DNM2: variants seen among roughly 807,000 people sequenced by gnomAD.
The protein encoded by DNM2 is dynamin-2.
Under a neutral mutation model 99.0 loss-of-function variants are expected in DNM2, and 15 were observed. That is an observed-to-expected ratio of 0.15 (90% CI 0.10 to 0.23). The LOEUF (loss-of-function observed/expected upper bound fraction) is 0.23. Among genes scored for constraint, DNM2 ranks in the 10% least tolerant of loss-of-function variants. The probability of loss-of-function intolerance (pLI) is 1.00; values close to 1 mark genes in which losing one functional copy is unlikely to be tolerated. For synonymous variants in DNM2, 525 were observed against 481.2 expected, an observed-to-expected ratio of 1.09 and a Z score of -1.19; for missense variants, 742 against 1,189.4, an observed-to-expected ratio of 0.62 and a Z score of 5.53.
At chr19:10,735,139 G>A (rs1428906033) in intron 1 of DNM2, among the ~76,000 whole-genome samples, 1 of 152,100 alleles carries the variant, frequency 6.6e-6, no homozygotes, top group South Asian at 2.1e-4. Flanking sequence ...TGCCTCCTGG[G>A]TTCACGCCAT....
At chr19:10,743,678 C>T (rs1040953654) in intron 1 of DNM2, among the ~76,000 whole-genome samples, 17 of 151,760 alleles carry the variant, frequency 1.1e-4, no homozygotes, top group African/African-American at 3.4e-4. Flanking sequence ...GGTGTGGTGG[C>T]GGGTGCTTGT....
chr19:10,786,354 T>C, intron 6 of DNM2: 1 of 790,618 alleles, frequency 1.3e-6, no homozygotes, highest in Non-Finnish European at 2.1e-6. Context: ...TTGTAGCCTC[T>C]TACACTCATG....
chr19:10,798,505 T>A lies in DNM2; in HGVS notation c.1355T>A (p.Leu452Ter). 1 of 1,614,142 alleles carries A rather than the reference T, an allele frequency of 6.2e-7. No homozygotes were observed. The highest frequency in any genetic ancestry group is 8.5e-7 in the Non-Finnish European group (1 of 1,180,016). ...CAEKLSSYPR[L>*]REETERIVTT... The stretch of plus-strand genomic sequence containing the variant: ...CCCCAGCTCAGTTCCTACCCCCGGT[T>A]GCGAGAGGAGACAGAGCGAATCGTC... Residue 452 changes from leucine to a stop codon, truncating the protein, a stop_gained, in exon 11 of 21, where the codon TTG becomes TAG. Transcript: ENST00000389253. LOFTEE classifies it high-confidence loss of function.
At chr19:10,785,958 C>T (rs980775086) in intron 6 of DNM2, among the ~76,000 whole-genome samples, 4 of 152,102 alleles carry the variant, frequency 2.6e-5, no homozygotes, top group East Asian at 1.9e-4. Context: ...ACCACCACAC[C>T]GAGATAATTT....
chr19:10,776,164 T>A (rs1339078864), intron 4 of DNM2, among the ~76,000 whole-genome samples: 1 of 152,136 alleles, frequency 6.6e-6, no homozygotes, highest in Non-Finnish European at 1.5e-5. Flanking sequence ...AGCCTAGGGC[T>A]GAAGGAAGGG....
At chr19:10,751,407 G>A (rs1030912408) in intron 1 of DNM2, among the ~76,000 whole-genome samples, 5 of 152,148 alleles carry the variant, frequency 3.3e-5, no homozygotes, top group Non-Finnish European at 2.9e-5. Flanking sequence ...TGGGATCAAC[G>A]AGGAGGAAGT....
In DNM2 at chr19:10,807,621, T is replaced by C. The variant is rs575096925; in HGVS notation, c.1546-948T>C. ...TGGAGTGCAGTGGCGCGGTCTCAGC[T>C]CACCACAACCTCCGCCTCCTAGCTT... On this transcript the variant is annotated intron_variant, in intron 13 of 20. Coordinates refer to ENST00000389253, the MANE Select transcript of DNM2 (RefSeq NM_001005361.3). Among the ~76,000 whole-genome samples the C allele has an allele frequency of 1.7e-3, 225 of 134,624 alleles. 2 individuals are homozygous for C. Among genetic ancestry groups the C allele is most frequent in the African/African-American group, 6.0e-3 (218 of 36,038 alleles). 88.3% of individuals were successfully genotyped at this position (134,624 alleles called of 152,430 possible). A position where few individuals can be genotyped will look rare whatever the true frequency, so the allele number is the denominator to read the frequency against.
At chr19:10,814,184 G>C (rs2072653308) in intron 15 of DNM2, among the ~76,000 whole-genome samples, 1 of 151,604 alleles carries the variant, frequency 6.6e-6, no homozygotes, top group Non-Finnish European at 1.5e-5. Flanking sequence ...ATAAAAACAG[G>C]CTGGGCGCAG....
chr19:10,787,886 G>A (rs1250728169), intron 7 of DNM2, among the ~76,000 whole-genome samples: 2 of 151,632 alleles, frequency 1.3e-5, no homozygotes, highest in African/African-American at 4.9e-5. Context: ...CCGAGATCGT[G>A]CCATTGCACT....
intron 15 of DNM2, among the ~76,000 whole-genome samples, chr19:10,815,305 C>T (rs941021812): frequency 1.3e-5 from 2 of 152,206 alleles, no homozygotes; most frequent in Non-Finnish European, 2.9e-5. Context: ...GCTAACAGTT[C>T]TAGCACTTTC....
At position 10,830,506 on chromosome 19, in the gene DNM2, T is replaced by C; in HGVS notation, c.2543+128T>C. 2.6e-6 allele frequency: 3 copies of C among 1,158,306 alleles called. No individual in the cohort carries two copies. The highest frequency in any genetic ancestry group is 3.6e-6 in the Non-Finnish European group (3 of 826,588). 71.8% of individuals were successfully genotyped at this position (1,158,306 alleles called of 1,614,324 possible). A position where few individuals can be genotyped will look rare whatever the true frequency, so the allele number is the denominator to read the frequency against. Reference sequence around the variant, plus strand: ...GGAGTGGAGGAATCGTCCTCATCCCTATTTGGCTTGCGAGGAAACAGGCCC... The same window carrying C: ...GGAGTGGAGGAATCGTCCTCATCCCCATTTGGCTTGCGAGGAAACAGGCCC... On this transcript the variant is annotated intron_variant, in intron 20 of 20. Transcript: ENST00000389253. This position sits in a 1 kb window ranked among gnomAD's most constrained non-coding sequence, Gnocchi z 4.8.
Position 10,829,244 on chromosome 19 carries a change from G to C in DNM2, c.2267G>C (p.Trp756Ser). 6.2e-7 allele frequency: 1 copy of C among 1,613,698 alleles called. No homozygotes were observed. Among genetic ancestry groups the C allele is most frequent in the Non-Finnish European group, 8.5e-7 (1 of 1,180,016 alleles). ...GTACCCCCGCCTGTCGATGACACCT[G>C]GCTCCAGAGCGCCAGCAGCCACAGG... ...TPVPPPVDDT[W>S]LQSASSHSPT... The change falls in exon 19 of 21, where the codon TGG becomes TCG. Residue 756 changes from tryptophan (W) to serine (S), a missense_variant. Around this residue, in one of 7 missense-constraint regions of DNM2, gnomAD observed 187 missense variants for 218.8 expected, o/e 0.85. Coordinates refer to ENST00000389253, the MANE Select transcript of DNM2 (RefSeq NM_001005361.3).
intron 1 of DNM2, among the ~76,000 whole-genome samples, chr19:10,720,088 G>A (rs1048653265): frequency 1.3e-5 from 2 of 151,512 alleles, no homozygotes; most frequent in Non-Finnish European, 2.9e-5. Flanking sequence ...CTTCTGGGAC[G>A]GGGGTGGGGG....
intron 5 of DNM2, 145 bp downstream of exon 5, chr19:10,777,361 T>C (rs928080909): frequency 1.3e-6 from 1 of 789,166 alleles, no homozygotes; most frequent in Non-Finnish European, 2.1e-6. Context: ...CTTTGAGCTA[T>C]GTATCTTTTT....
At chr19:10,728,080 A>G (rs891779247) in intron 1 of DNM2, among the ~76,000 whole-genome samples, 2 of 152,164 alleles carry the variant, frequency 1.3e-5, no homozygotes, top group African/African-American at 4.8e-5. Context: ...ATTGGTAACT[A>G]GGTCCCTGCT....
chr19:10,776,530 A>G (rs981117031), intron 4 of DNM2, among the ~76,000 whole-genome samples: 3 of 152,202 alleles, frequency 2.0e-5, no homozygotes, highest in Non-Finnish European at 4.4e-5. Context: ...TCTCATGCAC[A>G]TGCCACACAT....
At chr19:10,770,561 T>A (rs1012074246) in intron 2 of DNM2, among the ~76,000 whole-genome samples, 6 of 152,126 alleles carry the variant, frequency 3.9e-5, no homozygotes, top group African/African-American at 1.4e-4. Context: ...ATGCTGCTGA[T>A]AAAGACGTAT....
At chr19:10,757,375 G>A (rs956076784) in intron 1 of DNM2, among the ~76,000 whole-genome samples, 11 of 152,220 alleles carry the variant, frequency 7.2e-5, no homozygotes, top group African/African-American at 2.2e-4. Flanking sequence ...TCTCCCCCCC[G>A]ACGCCAGCCA....
Position 10,817,964 on chromosome 19 carries a change from G to A in DNM2, c.1672-2016G>A, listed in dbSNP as rs1023743559. On this transcript the variant is annotated intron_variant, in intron 15 of 20. Coordinates refer to ENST00000389253, the MANE Select transcript of DNM2 (RefSeq NM_001005361.3). The surrounding 1 kb of genome is among the most constrained non-coding windows in gnomAD (Gnocchi z 4.6). ...TTGGCCCTGCTGGCTGGAAGCTTCC[G>A]GCCGCGTGATATGATAGGGTCAGGG... 9.2e-5 allele frequency among the ~76,000 whole-genome samples: 14 copies of A among 152,086 alleles called. 1 individual carries two copies. Among genetic ancestry groups the A allele is most frequent in the Admixed American group, 7.9e-4 (12 of 15,276 alleles).
Sources: gnomAD v4.1 joint callset for allele counts (sites outside exome capture counted in the v4.1 genomes callset) on GRCh38, gnomAD v4.1.1 for gene constraint, gnomAD v4.1.1 regional missense constraint, Gnocchi (gnomAD v3.1) non-coding constraint, MANE v1.5 for transcripts, NCBI Gene and HGNC (gene_info 2026-07-23, HGNC 2026-07-21) for gene names.